The following FAM199X variants were observed in gnomAD, a reference collection of about 807,000 sequenced individuals.
FAM199X encodes the protein protein FAM199X.
Under a neutral mutation model 22.9 loss-of-function variants are expected in FAM199X, and 4 were observed. The ratio of observed to expected loss-of-function variants is 0.17; its 90% CI spans 0.09 to 0.40. FAM199X has a LOEUF of 0.40. Among genes scored for constraint, FAM199X ranks in the 10% least tolerant of loss-of-function variants. The pLI is 1.00. For missense variants in FAM199X, 183 were observed against 306.8 expected, an observed-to-expected ratio of 0.60 and a Z score of 3.01; for synonymous variants, 101 against 112.3, an observed-to-expected ratio of 0.90 and a Z score of 0.64.
At chrX:104,168,710 C>A (rs782654956) in intron 1 of FAM199X, among the ~76,000 whole-genome samples, 1 of 110,394 alleles carries the variant, frequency 9.1e-6, no homozygotes, top group Non-Finnish European at 1.9e-5. Flanking sequence ...ATGTTTCTTA[C>A]AACTTGTTCT....
chrX:104,167,260 C>T (rs1256686507), intron 1 of FAM199X, among the ~76,000 whole-genome samples: 3 of 105,257 alleles, frequency 2.9e-5, no homozygotes, highest in African/African-American at 7.0e-5. Context: ...CCCTTCCCTC[C>T]CCCCATCTGT....
chrX:104,190,646 T>G lies in FAM199X; in HGVS notation c.*868T>G, dbSNP rs1314342794. ...AGAATTTTTAGGCTGTAAAATTGTC[T>G]CAGGCAGGAAGTCAGTCTATATCTC... is the stretch of plus-strand genomic sequence containing the variant. On this transcript the variant is annotated 3_prime_UTR_variant, in exon 6 of 6. Coordinates refer to ENST00000493442, the MANE Select transcript of FAM199X (RefSeq NM_207318.4). 9.0e-6 allele frequency: 1 copy of G among 111,678 alleles called. No homozygotes were observed. Among genetic ancestry groups the G allele is most frequent in the Non-Finnish European group, 1.9e-5 (1 of 53,130 alleles). The allele number at this position is 111,678 out of a possible 1,213,427, so 9.2% of individuals were successfully genotyped here.
In FAM199X at chrX:104,186,561, C is replaced by A. The variant is rs782226400; in HGVS notation, c.669C>A (p.Ser223=). 4 of 1,208,034 alleles carry A rather than the reference C, an allele frequency of 3.3e-6. No homozygotes were observed. Among genetic ancestry groups the A allele is most frequent in the Non-Finnish European group, 4.5e-6 (4 of 894,181 alleles). Residue 223 remains serine (S), a synonymous_variant, in exon 4 of 6, where the codon TCC becomes TCA. Coordinates refer to ENST00000493442, the MANE Select transcript of FAM199X (RefSeq NM_207318.4). ...IKIIDPSAQI[S]PTDSEFIIEL... Reference sequence around the variant, plus strand: ...TCATTGATCCTTCTGCTCAAATCTCCCCTACAGACAGTGAGTTTATTATTG... The same window carrying A: ...TCATTGATCCTTCTGCTCAAATCTCACCTACAGACAGTGAGTTTATTATTG...
At chrX:104,179,667 CTGTACAGTGTTGAATAGAAGTGGTGAAAG>C (rs1268764216) in intron 2 of FAM199X, among the ~76,000 whole-genome samples, 2 of 111,538 alleles carry the variant, frequency 1.8e-5, no homozygotes, top group African/African-American at 6.5e-5. Context: ...GCTAGATCTC[CTGTACAGTGTTGAATAGAAGTGGTGAAAG>C]TGAGCATCCT....
At chrX:104,189,270 G>A (rs1556379850) in intron 5 of FAM199X, among the ~76,000 whole-genome samples, 2 of 111,271 alleles carry the variant, frequency 1.8e-5, no homozygotes, top group African/African-American at 6.5e-5. Flanking sequence ...CAGTATTGTC[G>A]CCTAGTATTA....
intron 1 of FAM199X, among the ~76,000 whole-genome samples, chrX:104,171,332 C>A (rs1361973907): frequency 1.8e-5 from 2 of 110,832 alleles, no homozygotes; most frequent in Non-Finnish European, 3.8e-5. Flanking sequence ...CACTGGAATT[C>A]TTTTCAACGT....
At chrX:104,178,222 A>G (rs1921542751) in intron 2 of FAM199X, among the ~76,000 whole-genome samples, 2 of 110,204 alleles carry the variant, frequency 1.8e-5, no homozygotes, top group South Asian at 7.7e-4. Flanking sequence ...GCTGGAGTGC[A>G]GTGACGCAAT....
At chrX:104,168,170 A>C (rs1921261354) in intron 1 of FAM199X, among the ~76,000 whole-genome samples, 1 of 112,608 alleles carries the variant, frequency 8.9e-6, no homozygotes, top group Non-Finnish European at 1.9e-5. Context: ...TGTTATAGTT[A>C]AATAATCAGA....
chrX:104,165,978 G>A (rs1352683648), upstream of FAM199X, among the ~76,000 whole-genome samples: 2 of 111,922 alleles, frequency 1.8e-5, no homozygotes, highest in Non-Finnish European at 3.8e-5. Flanking sequence ...GCAGCTCTGA[G>A]TAGGCGAGTG....
At chrX:104,186,243 A>G (rs782145466) in intron 3 of FAM199X, 28 bp downstream of exon 3, 42 of 1,193,035 alleles carry the variant, frequency 3.5e-5, no homozygotes, top group Non-Finnish European at 4.4e-5. Flanking sequence ...CTTAATTAAA[A>G]GCTTTTATGT....
chrX:104,174,750 T>G (rs1212586638), intron 1 of FAM199X, among the ~76,000 whole-genome samples: 5 of 111,888 alleles, frequency 4.5e-5, no homozygotes, highest in African/African-American at 1.6e-4. Context: ...AAAATATATA[T>G]ACACAGAATG....
intron 2 of FAM199X, among the ~76,000 whole-genome samples, chrX:104,177,225 T>C (rs1921513263): frequency 8.9e-6 from 1 of 111,963 alleles, no homozygotes; most frequent in Non-Finnish European, 1.9e-5. Context: ...ATATGGCCTT[T>C]TGTGTCTGGC....
the FAM199X span, among the ~76,000 whole-genome samples, chrX:104,160,623 A>G: frequency 8.9e-6 from 1 of 112,483 alleles, no homozygotes; most frequent in Admixed American, 9.4e-5. Flanking sequence ...AACAGACCGG[A>G]TTACCAGCTT....
chrX:104,187,692 G>A (rs905897771), intron 4 of FAM199X, among the ~76,000 whole-genome samples: 5 of 111,733 alleles, frequency 4.5e-5, no homozygotes, highest in African/African-American at 1.6e-4. Flanking sequence ...TGTCTTAAGT[G>A]GAGACTTTTA....
chrX:104,186,743 T>A, intron 4 of FAM199X, 122 bp downstream of exon 4: 1 of 611,864 alleles, frequency 1.6e-6, no homozygotes, highest in Admixed American at 4.2e-5. Flanking sequence ...CTGCGAAAGG[T>A]AATATTAGAA....
intron 2 of FAM199X, among the ~76,000 whole-genome samples, chrX:104,185,843 G>T (rs953457599): frequency 1.8e-5 from 2 of 111,650 alleles, no homozygotes; most frequent in African/African-American, 6.5e-5. Flanking sequence ...GACCTCAGGT[G>T]ATCCACCTGC....
chrX:104,176,839 G>A (rs1234404623), intron 2 of FAM199X, among the ~76,000 whole-genome samples: 1 of 110,810 alleles, frequency 9.0e-6, no homozygotes, highest in Non-Finnish European at 1.9e-5. Context: ...TATTTCGGTT[G>A]GTTTCAGTTT....
At chrX:104,163,553 A>T (rs959640324), upstream of FAM199X, among the ~76,000 whole-genome samples, 1 of 112,199 alleles carries the variant, frequency 8.9e-6, no homozygotes, top group African/African-American at 3.2e-5. Context: ...CCAGTGATTA[A>T]GAACTTGGTT....
Position 104,189,673 on chromosome X carries a change from G to A in FAM199X, c.1062G>A (p.Arg354=). 1 of 1,211,821 alleles carries A rather than the reference G, an allele frequency of 8.3e-7. No homozygotes were observed. Among genetic ancestry groups the A allele is most frequent in the Non-Finnish European group, 1.1e-6 (1 of 895,453 alleles). The change falls in exon 6 of 6, where the codon AGG becomes AGA. Residue 354 remains arginine, a synonymous_variant. Transcript: ENST00000493442. ...GCAAGAGGCAGCTGAAGGAGCAGAGGCAGGCCCGGAAGGAGAGGCTCAGTG... is the reference window on the plus strand; with the variant it reads ...GCAAGAGGCAGCTGAAGGAGCAGAGACAGGCCCGGAAGGAGAGGCTCAGTG... ...AFRKRQLKEQ[R]QARKERLSGL...
Sources: allele counts gnomAD v4.1 joint callset (sites outside exome capture counted in the v4.1 genomes callset), GRCh38; gene constraint gnomAD v4.1.1; transcripts MANE v1.5; gene names NCBI Gene and HGNC (gene_info 2026-07-23, HGNC 2026-07-21).